Variants in OLAH observed in about 807,000 individuals in gnomAD.
OLAH encodes oleoyl-ACP hydrolase, also known as S-acyl fatty acid synthase thioesterase, medium chain.
Under a neutral mutation model 27.8 loss-of-function variants are expected in OLAH, and 33 were observed. That is an observed-to-expected ratio of 1.19 (90% confidence interval 0.90 to 1.59). The LOEUF (loss-of-function observed/expected upper bound fraction) is 1.59. Ranked by LOEUF, OLAH falls within the 40% of genes most tolerant of loss-of-function variation. The pLI is 0.00. For missense variants in OLAH, 359 were observed against 310.8 expected (o/e 1.16, Z -1.17); for synonymous variants, 120 against 102.9 (o/e 1.17, Z -1.01).
chr10:15,039,880 C>T (rs140512386), upstream of OLAH, among the ~76,000 whole-genome samples: 21 of 152,272 alleles, frequency 1.4e-4, no homozygotes, highest in African/African-American at 5.1e-4. Flanking sequence ...TATGAGGAAT[C>T]AAAAAGGTCC....
chr10:15,054,672 T>A (rs1844212836), intron 3 of OLAH, among the ~76,000 whole-genome samples: 1 of 152,214 alleles, frequency 6.6e-6, no homozygotes. Context: ...GTTTTCTCTG[T>A]CCCGCTTTTG....
chr10:15,062,498 T>A (rs1384738849), intron 4 of OLAH, among the ~76,000 whole-genome samples: 2 of 151,890 alleles, frequency 1.3e-5, no homozygotes, highest in African/African-American at 2.4e-5. Context: ...GGGGTCTGGT[T>A]TTATATATTT....
At chr10:15,038,304 G>A (rs558335090) in intron 1 of OLAH, among the ~76,000 whole-genome samples, 1 of 152,210 alleles carries the variant, frequency 6.6e-6, no homozygotes, top group African/African-American at 2.4e-5. Flanking sequence ...GTGGACTTCT[G>A]AGTTAATGCT....
Position 15,073,124 on chromosome 10 carries a change from C to T in OLAH, c.693C>T (p.Tyr231=). 6.2e-7 allele frequency: 1 copy of T among 1,613,370 alleles called. No homozygotes were observed. Among genetic ancestry groups the T allele is most frequent in the Non-Finnish European group, 8.5e-7 (1 of 1,179,604 alleles). ...KDVTSGNAKI[Y]QLPGGHFYLL... is the part of the protein sequence containing the mutation. ...TAACCAGTGGAAATGCTAAAATTTA[C>T]CAGCTTCCAGGGGGTCACTTTTATC... The change falls in exon 8 of 8, where the codon TAC becomes TAT. Residue 231 remains tyrosine (Y), a synonymous_variant. Transcript: ENST00000378228.
chr10:15,050,693 A>G (rs1006080227), intron 3 of OLAH, among the ~76,000 whole-genome samples: 1 of 152,030 alleles, frequency 6.6e-6, no homozygotes, highest in Non-Finnish European at 1.5e-5. Context: ...GGCGCCTGCC[A>G]CAGCGCCCAG....
chr10:15,060,376 G>A (rs1425994022), intron 3 of OLAH, among the ~76,000 whole-genome samples: 1 of 152,040 alleles, frequency 6.6e-6, no homozygotes. Context: ...CACCCTGTTG[G>A]CCAGGTTGGT....
chr10:15,062,037 C>G lies in OLAH; in HGVS notation c.302+175C>G, dbSNP rs530383575. 4 of 552,432 alleles carry G rather than the reference C, an allele frequency of 7.2e-6. No homozygotes were observed. The South Asian group carries it at 1.8e-4, about 24-fold the overall frequency. 34.2% of individuals were successfully genotyped at this position (552,432 alleles called of 1,614,324 possible). A position where few individuals can be genotyped will look rare whatever the true frequency, so the allele number is the denominator to read the frequency against. ...TCACCAGTTTGTATGGTAAGTATAC[C>G]TATTTTTTTTCCTTTTAGGCAAATA... On this transcript the variant is annotated intron_variant, in intron 4 of 7. Transcript: ENST00000378228.
chr10:15,040,211 C>G (rs1843899774), upstream of OLAH, among the ~76,000 whole-genome samples: 1 of 152,254 alleles, frequency 6.6e-6, no homozygotes. Flanking sequence ...CACCCTTTCT[C>G]TTTATGGGGC....
chr10:15,072,859 T>C (rs902253005), intron 7 of OLAH, among the ~76,000 whole-genome samples: 1 of 152,106 alleles, frequency 6.6e-6, no homozygotes, highest in African/African-American at 2.4e-5. Flanking sequence ...ATGGTGACCT[T>C]AGCCATTAGG....
At chr10:15,060,448 G>A (rs1170197579) in intron 3 of OLAH, among the ~76,000 whole-genome samples, 1 of 152,094 alleles carries the variant, frequency 6.6e-6, no homozygotes, top group Non-Finnish European at 1.5e-5. Flanking sequence ...GGGATTACAG[G>A]TGTGAGCCAC....
chr10:15,056,064 G>T (rs1844239601), intron 3 of OLAH, among the ~76,000 whole-genome samples: 3 of 151,948 alleles, frequency 2.0e-5, no homozygotes, highest in Admixed American at 2.0e-4. Flanking sequence ...TGGCTAGGCT[G>T]GTCTCAAACT....
chr10:15,054,318 G>A (rs1844204733), intron 3 of OLAH, among the ~76,000 whole-genome samples: 1 of 152,166 alleles, frequency 6.6e-6, no homozygotes, highest in African/African-American at 2.4e-5. Flanking sequence ...TGGGATTACA[G>A]GCATGAGCCA....
chr10:15,044,050 A>T (rs535871677), intron 1 of OLAH, 64 bp downstream of exon 1: 2 of 152,306 alleles, frequency 1.3e-5, no homozygotes, highest in South Asian at 4.1e-4. Flanking sequence ...GATATGTCTC[A>T]TATGCACAGC....
chr10:15,040,156 C>T (rs372324910), upstream of OLAH, among the ~76,000 whole-genome samples: 43 of 152,292 alleles, frequency 2.8e-4, 4 homozygotes, highest in African/African-American at 1.0e-3. Flanking sequence ...AAAGTGGAGC[C>T]CTCTCCTGCT....
chr10:15,048,718 C>T (rs1422449156), intron 2 of OLAH, among the ~76,000 whole-genome samples: 1 of 152,160 alleles, frequency 6.6e-6, no homozygotes, highest in Non-Finnish European at 1.5e-5. Flanking sequence ...ATTTATGTCA[C>T]TTTAAGTGTG....
intron 6 of OLAH, among the ~76,000 whole-genome samples, chr10:15,068,614 C>T (rs539281069): frequency 9.3e-4 from 142 of 152,190 alleles, no homozygotes; most frequent in African/African-American, 3.2e-3. Flanking sequence ...AGCCTGGTCT[C>T]GAACTCCTGA....
chr10:15,067,326 G>C (rs985209255), intron 6 of OLAH, among the ~76,000 whole-genome samples: 3 of 152,140 alleles, frequency 2.0e-5, no homozygotes, highest in Non-Finnish European at 4.4e-5. Context: ...TACTCACTGC[G>C]AGATTCTGAG....
chr10:15,053,281 C>T (rs115660989), intron 3 of OLAH, among the ~76,000 whole-genome samples: 4,666 of 152,092 alleles, frequency 0.031, 87 homozygotes, highest in African/African-American at 0.045. Flanking sequence ...AATTAGTCAC[C>T]GCCGGTTCCA....
intron 1 of OLAH, among the ~76,000 whole-genome samples, chr10:15,033,717 G>A (rs1200611459): frequency 6.6e-6 from 1 of 152,142 alleles, no homozygotes; most frequent in Non-Finnish European, 1.5e-5. Flanking sequence ...CCTCCAGATG[G>A]GAAGAAGGCT....
Sources: allele counts gnomAD v4.1 joint callset (sites outside exome capture counted in the v4.1 genomes callset), GRCh38; gene constraint gnomAD v4.1.1; transcripts MANE v1.5; gene names NCBI Gene and HGNC (gene_info 2026-07-23, HGNC 2026-07-21).